AUH: variants seen among roughly 807,000 people sequenced by gnomAD.
The protein encoded by AUH is methylglutaconyl-CoA hydratase, mitochondrial.
A neutral mutation model predicts 42.3 loss-of-function variants in AUH; 29 were observed. That is an observed-to-expected ratio of 0.69 (90% confidence interval 0.51 to 0.93). AUH has a LOEUF of 0.93. Among genes scored for constraint, AUH ranks in the 40% least tolerant of loss-of-function variants. The probability of loss-of-function intolerance (pLI) is 0.00; values close to 1 mark genes in which losing one functional copy is unlikely to be tolerated. For synonymous variants in AUH, 174 were observed against 166.4 expected (o/e 1.05, Z -0.35); for missense variants, 452 against 438.1 (o/e 1.03, Z -0.28).
At chr9:91,335,812 C>T (rs1389009499) in intron 3 of AUH, among the ~76,000 whole-genome samples, 2 of 152,066 alleles carry the variant, frequency 1.3e-5, no homozygotes, top group Admixed American at 6.6e-5. Context: ...TTTCTAATTA[C>T]GTTTTTTGTT....
At chr9:91,318,199 T>C (rs1204605731) in intron 4 of AUH, among the ~76,000 whole-genome samples, 2 of 151,964 alleles carry the variant, frequency 1.3e-5, no homozygotes, top group African/African-American at 4.8e-5. Context: ...AAAGTAAATC[T>C]CTATCATCAA....
At chr9:91,262,043 A>G (rs933457787) in intron 6 of AUH, among the ~76,000 whole-genome samples, 1 of 152,208 alleles carries the variant, frequency 6.6e-6, no homozygotes, top group African/African-American at 2.4e-5. Context: ...GGAAAAAAAG[A>G]TTTTTAAAAG....
chr9:91,280,998 C>T (rs1476670212), intron 6 of AUH, among the ~76,000 whole-genome samples: 3 of 152,050 alleles, frequency 2.0e-5, no homozygotes, highest in South Asian at 4.1e-4. Context: ...TGTGTCTGAT[C>T]GCGGATTTCT....
In AUH at chr9:91,320,969, A is replaced by G. The variant is rs1182897697; in HGVS notation, c.505+4349T>C. On this transcript the variant is annotated intron_variant, in intron 4 of 9. Transcript: ENST00000375731. ...GTGATGACAAATTACCAATTTATCC[A>G]TATCATTTTATGTGTGTATCTTGAG... Among the ~76,000 whole-genome samples, 4 of 152,354 alleles carry G rather than the reference A, an allele frequency of 2.6e-5. No individual in the cohort carries two copies. In the South Asian group the frequency reaches 6.2e-4, roughly 24 times the overall value.
intron 4 of AUH, among the ~76,000 whole-genome samples, chr9:91,314,626 T>C (rs1011947444): frequency 6.6e-6 from 1 of 151,544 alleles, no homozygotes; most frequent in Admixed American, 6.6e-5. Context: ...GAACTGACCT[T>C]CTTTTGGCCA....
intron 1 of AUH, among the ~76,000 whole-genome samples, chr9:91,360,093 C>T (rs1309598079): frequency 6.6e-6 from 1 of 152,010 alleles, no homozygotes; most frequent in Non-Finnish European, 1.5e-5. Flanking sequence ...CTCTTCTGTC[C>T]ATTCAGATCC....
At chr9:91,357,287 T>G (rs1207074988) in intron 1 of AUH, among the ~76,000 whole-genome samples, 2 of 152,240 alleles carry the variant, frequency 1.3e-5, no homozygotes, top group Non-Finnish European at 2.9e-5. Context: ...AGGTGGGCAC[T>G]ACTTTTATCA....
chr9:91,277,698 G>C (rs1447760564), intron 6 of AUH, among the ~76,000 whole-genome samples: 1 of 152,094 alleles, frequency 6.6e-6, no homozygotes, highest in African/African-American at 2.4e-5. Flanking sequence ...CCTATTGTTT[G>C]AATCAAAATC....
intron 6 of AUH, among the ~76,000 whole-genome samples, chr9:91,272,360 G>C (rs1825208351): frequency 6.6e-6 from 1 of 152,170 alleles, no homozygotes; most frequent in Non-Finnish European, 1.5e-5. Context: ...TGCTCCCCCA[G>C]CTTGCTACTC....
chr9:91,216,150 G>A (rs557549414), intron 8 of AUH, 44 bp from the exon 9 acceptor site: 25 of 1,559,838 alleles, frequency 1.6e-5, no homozygotes, highest in Admixed American at 1.3e-4. Flanking sequence ...ATAACTTTGC[G>A]AAATGTGGTA....
At chr9:91,356,019 A>C (rs774096301) in intron 2 of AUH, 49 bp from the exon 3 acceptor site, 15 of 1,601,870 alleles carry the variant, frequency 9.4e-6, no homozygotes, top group Admixed American at 1.7e-5. Context: ...AAAAAAACAA[A>C]ACATTTTTAC....
At position 91,255,471 on chromosome 9, in the gene AUH, A is replaced by C. The variant is rs1036253798; in HGVS notation, c.656-34479T>G. On this transcript the variant is annotated intron_variant, in intron 6 of 9. Coordinates refer to ENST00000375731, the MANE Select transcript of AUH (RefSeq NM_001698.3). Reference sequence around the variant, plus strand: ...AGTGTGTAATGTGAGTGATGGCAGCACTACAAAAGAATGTAGTTTTTAAAA... The same window carrying C: ...AGTGTGTAATGTGAGTGATGGCAGCCCTACAAAAGAATGTAGTTTTTAAAA... Among the ~76,000 whole-genome samples the C allele has an allele frequency of 4.6e-5, 7 of 152,368 alleles. No individual in the cohort carries two copies. In the South Asian group the frequency reaches 8.3e-4, roughly 18 times the overall value.
At chr9:91,304,840 G>A (rs547592210) in intron 4 of AUH, among the ~76,000 whole-genome samples, 40 of 152,316 alleles carry the variant, frequency 2.6e-4, no homozygotes, top group African/African-American at 9.4e-4. Context: ...TACTGGTGGA[G>A]AGATATAATT....
intron 6 of AUH, among the ~76,000 whole-genome samples, chr9:91,272,834 C>CA (rs1050281482): frequency 6.6e-6 from 1 of 151,420 alleles, no homozygotes; most frequent in Non-Finnish European, 1.5e-5. Context: ...ACTTACAAAC[C>CA]AAAAAAAACT....
chr9:91,279,085 A>C (rs1220637510), intron 6 of AUH, among the ~76,000 whole-genome samples: 1 of 152,204 alleles, frequency 6.6e-6, no homozygotes, highest in Admixed American at 6.5e-5. Context: ...TTATATGCTA[A>C]AATATGTGTA....
chr9:91,323,638 T>G (rs1829757597), intron 4 of AUH, among the ~76,000 whole-genome samples: 1 of 150,394 alleles, frequency 6.6e-6, no homozygotes, highest in Non-Finnish European at 1.5e-5. Context: ...AAAAAAAAAC[T>G]TAATAACTTT....
intron 6 of AUH, among the ~76,000 whole-genome samples, chr9:91,267,201 A>T (rs1232049522): frequency 6.6e-6 from 1 of 152,238 alleles, no homozygotes. Flanking sequence ...TCCAGTTTAC[A>T]AAGCAGTCTT....
intron 6 of AUH, among the ~76,000 whole-genome samples, chr9:91,232,013 C>CA (rs1827914055): frequency 6.6e-6 from 1 of 152,084 alleles, no homozygotes; most frequent in Non-Finnish European, 1.5e-5. Flanking sequence ...TCTTACCACA[C>CA]AAAAAAAGAT....
At chr9:91,306,409 T>C (rs374411673) in intron 4 of AUH, 2 of 983,482 alleles carry the variant, frequency 2.0e-6, no homozygotes, top group Admixed American at 6.1e-5. Flanking sequence ...CTGCTTAACA[T>C]GGTAAATGCA....
Sources: allele counts gnomAD v4.1 joint callset (sites outside exome capture counted in the v4.1 genomes callset), GRCh38; gene constraint gnomAD v4.1.1; transcripts MANE v1.5; gene names NCBI Gene and HGNC (gene_info 2026-07-23, HGNC 2026-07-21).